The following NEGR1 variants were observed in gnomAD, a reference collection of about 807,000 sequenced individuals.
The protein encoded by NEGR1 is IgLON family member 4.
A neutral mutation model predicts 40.9 loss-of-function variants in NEGR1; 10 were observed. That is an observed-to-expected ratio of 0.24 (90% confidence interval 0.15 to 0.42). NEGR1 has a LOEUF of 0.42. Ranked by LOEUF, NEGR1 falls within the 10% of genes least tolerant of loss-of-function variation. The pLI is 1.00. For synonymous variants in NEGR1, 185 were observed against 166.8 expected (o/e 1.11, Z -0.84); for missense variants, 352 against 438.9 (o/e 0.80, Z 1.77).
At chr1:72,112,961 C>A (rs568794861) in intron 1 of NEGR1, among the ~76,000 whole-genome samples, 1 of 151,764 alleles carries the variant, frequency 6.6e-6, no homozygotes, top group Admixed American at 6.6e-5. Flanking sequence ...CCATGTTCAC[C>A]TGTCAGCTAT....
At chr1:71,799,903 G>A (rs767301707) in intron 2 of NEGR1, among the ~76,000 whole-genome samples, 4 of 151,992 alleles carry the variant, frequency 2.6e-5, no homozygotes, top group African/African-American at 4.8e-5. Context: ...TAGTAGAGAC[G>A]GGGTTTCACC....
intron 1 of NEGR1, among the ~76,000 whole-genome samples, chr1:72,005,567 T>C (rs1646599712): frequency 6.6e-6 from 1 of 152,202 alleles, no homozygotes; most frequent in Non-Finnish European, 1.5e-5. Context: ...TATTTGACAT[T>C]TGTAAAAGAG....
At chr1:71,732,530 G>T (rs569547807) in intron 3 of NEGR1, among the ~76,000 whole-genome samples, 2 of 151,086 alleles carry the variant, frequency 1.3e-5, no homozygotes, top group African/African-American at 4.9e-5. Context: ...GCGCGCGCGC[G>T]CCAGCTTGTG....
chr1:71,808,710 A>G (rs1475992845), intron 2 of NEGR1, among the ~76,000 whole-genome samples: 1 of 151,796 alleles, frequency 6.6e-6, no homozygotes, highest in African/African-American at 2.4e-5. Flanking sequence ...TCTTCCCCCA[A>G]CTCCTTGTTA....
intron 6 of NEGR1, among the ~76,000 whole-genome samples, chr1:71,453,015 C>A (rs1646643691): frequency 6.6e-6 from 1 of 152,080 alleles, no homozygotes; most frequent in Non-Finnish European, 1.5e-5. Context: ...TATTTCACTA[C>A]TCCAAGAAGT....
chr1:71,767,349 T>A (rs991198896), intron 3 of NEGR1, among the ~76,000 whole-genome samples: 19 of 152,170 alleles, frequency 1.2e-4, no homozygotes, highest in African/African-American at 4.3e-4. Flanking sequence ...TCACTTTTGC[T>A]ACACTTTAGC....
At chr1:71,861,056 G>A (rs1286152706) in intron 2 of NEGR1, among the ~76,000 whole-genome samples, 1 of 151,850 alleles carries the variant, frequency 6.6e-6, no homozygotes, top group East Asian at 1.9e-4. Flanking sequence ...CTCACCATAG[G>A]GAAAAAGTTA....
chr1:71,512,584 A>ATTT (rs555856096), intron 6 of NEGR1, among the ~76,000 whole-genome samples: 2 of 141,776 alleles, frequency 1.4e-5, no homozygotes, highest in Admixed American at 7.1e-5. Flanking sequence ...ATACTAATCG[A>ATTT]TTTTTTTTTT....
intron 1 of NEGR1, among the ~76,000 whole-genome samples, chr1:72,086,867 G>T (rs1163467671): frequency 6.6e-6 from 1 of 151,854 alleles, no homozygotes; most frequent in Non-Finnish European, 1.5e-5. Flanking sequence ...TTATTTCAAT[G>T]CATATGTCAT....
At chr1:72,175,396 T>C (rs1193802492) in intron 1 of NEGR1, among the ~76,000 whole-genome samples, 1 of 152,132 alleles carries the variant, frequency 6.6e-6, no homozygotes, top group African/African-American at 2.4e-5. Flanking sequence ...CCAATTAATG[T>C]TCTATCAATC....
At chr1:71,923,385 T>TTA (rs1645738736) in intron 2 of NEGR1, among the ~76,000 whole-genome samples, 1 of 149,702 alleles carries the variant, frequency 6.7e-6, no homozygotes, top group Admixed American at 6.7e-5. Flanking sequence ...TCTCTCTCTC[T>TTA]CACACACACA....
intron 2 of NEGR1, among the ~76,000 whole-genome samples, chr1:71,781,729 C>T (rs1380484): frequency 0.99 from 150,874 of 152,278 alleles, 74,757 homozygotes; most frequent in Middle Eastern, 1. Context: ...GCACCGAATG[C>T]CCTCTCATTC....
chr1:72,017,434 C>T (rs1435510504), intron 1 of NEGR1, among the ~76,000 whole-genome samples: 3 of 151,954 alleles, frequency 2.0e-5, no homozygotes, highest in Non-Finnish European at 4.4e-5. Context: ...AGTATTCTAA[C>T]CTTAGAACTT....
chr1:71,830,778 T>C lies in NEGR1; in HGVS notation c.410-54481A>G, dbSNP rs503608. Among the ~76,000 whole-genome samples the C allele has an allele frequency of 3.5e-3, 528 of 152,102 alleles. 3 individuals are homozygous for C. Among genetic ancestry groups the C allele is most frequent in the African/African-American group, 0.012 (505 of 41,536 alleles). ...TGTAAACTTTGTAAAGTTTAGATTT[T>C]AGTTGTTATAATTCAATCATTCGTT... On this transcript the variant is annotated intron_variant, in intron 2 of 6. Transcript: ENST00000357731.
At chr1:72,275,222 T>G (rs1656001231) in intron 1 of NEGR1, 1 of 593,600 alleles carries the variant, frequency 1.7e-6, no homozygotes, top group Non-Finnish European at 3.0e-6. Context: ...ATCAAAAAAT[T>G]TCTATTATTT....
At chr1:71,851,807 C>A (rs1659611941) in intron 2 of NEGR1, among the ~76,000 whole-genome samples, 1 of 151,964 alleles carries the variant, frequency 6.6e-6, no homozygotes, top group African/African-American at 2.4e-5. Context: ...ATTAAGATAG[C>A]AGACTCTATA....
chr1:71,460,424 C>T (rs969598226), intron 6 of NEGR1, among the ~76,000 whole-genome samples: 1 of 152,190 alleles, frequency 6.6e-6, no homozygotes, highest in Non-Finnish European at 1.5e-5. Flanking sequence ...TCCCATCTTA[C>T]ATTTTGTACC....
chr1:72,240,585 G>A (rs962225437), intron 1 of NEGR1, among the ~76,000 whole-genome samples: 1 of 151,810 alleles, frequency 6.6e-6, no homozygotes, highest in Non-Finnish European at 1.5e-5. Context: ...CAAAACAATG[G>A]CTACCAAGAG....
intron 4 of NEGR1, among the ~76,000 whole-genome samples, chr1:71,625,786 A>G (rs574622632): frequency 6.6e-5 from 10 of 152,058 alleles, no homozygotes; most frequent in African/African-American, 2.4e-4. Flanking sequence ...TGCCTCTAAC[A>G]TGAATAATGC....
Sources: gnomAD v4.1 joint callset for allele counts (sites outside exome capture counted in the v4.1 genomes callset) on GRCh38, gnomAD v4.1.1 for gene constraint, MANE v1.5 for transcripts, NCBI Gene and HGNC (gene_info 2026-07-23, HGNC 2026-07-21) for gene names.